The following NKAIN3 variants were observed in gnomAD, a reference collection of about 807,000 sequenced individuals.
NKAIN3 encodes sodium/potassium transporting ATPase interacting 3.
Under a neutral mutation model 30.2 loss-of-function variants are expected in NKAIN3, and 25 were observed. That is an observed-to-expected ratio of 0.83 (90% CI 0.60 to 1.16). The LOEUF (loss-of-function observed/expected upper bound fraction) is 1.16. Ranked by LOEUF, NKAIN3 falls within the 50% of genes most tolerant of loss-of-function variation. NKAIN3 has a pLI of 0.00. For missense variants in NKAIN3, 225 were observed against 254.1 expected (o/e 0.89, Z 0.78); for synonymous variants, 91 against 89.6 (o/e 1.02, Z -0.09).
intron 4 of NKAIN3, among the ~76,000 whole-genome samples, chr8:62,871,418 A>C (rs79176152): frequency 2.2e-4 from 31 of 142,432 alleles, no homozygotes; most frequent in Admixed American, 3.5e-4. Context: ...AAAAAAAAAA[A>C]CAAAAACAAA....
intron 1 of NKAIN3, among the ~76,000 whole-genome samples, chr8:62,417,670 G>A (rs1804491420): frequency 6.6e-6 from 1 of 152,144 alleles, no homozygotes; most frequent in African/African-American, 2.4e-5. Flanking sequence ...CATTTTAACT[G>A]GGGAGAGATG....
chr8:62,782,766 T>C (rs984099975), intron 4 of NKAIN3, among the ~76,000 whole-genome samples: 1 of 148,344 alleles, frequency 6.7e-6, no homozygotes, highest in Admixed American at 6.8e-5. Context: ...AATAGAATGA[T>C]ACATACGAGA....
At chr8:62,502,811 A>T (rs565349913) in intron 1 of NKAIN3, among the ~76,000 whole-genome samples, 1 of 152,310 alleles carries the variant, frequency 6.6e-6, no homozygotes, top group Non-Finnish European at 1.5e-5. Flanking sequence ...TTCGAAGTGC[A>T]ATTGGACTGT....
intron 1 of NKAIN3, among the ~76,000 whole-genome samples, chr8:62,272,447 G>GTC (rs1158656771): frequency 6.6e-6 from 1 of 152,152 alleles, no homozygotes; most frequent in Non-Finnish European, 1.5e-5. Context: ...GAAGCAGTGA[G>GTC]TCTCTCTCTG....
In NKAIN3 at chr8:62,639,638, A is replaced by G. The variant is rs541346551; in HGVS notation, c.273+49844A>G. ...TTGAGAAAAAGAAATTGACCTTGCA[A>G]AAGAGAGGGGAAATCATAAAATCAA... On this transcript the variant is annotated intron_variant, in intron 3 of 6. Coordinates refer to ENST00000623646, the MANE Select transcript of NKAIN3 (RefSeq NM_001304533.3). Among the ~76,000 whole-genome samples, 9 of 152,288 alleles carry G rather than the reference A, an allele frequency of 5.9e-5. No homozygotes were observed. The South Asian group carries it at 1.9e-3, about 32-fold the overall frequency.
At chr8:62,778,897 C>G (rs1437750635) in intron 4 of NKAIN3, among the ~76,000 whole-genome samples, 2 of 152,034 alleles carry the variant, frequency 1.3e-5, no homozygotes, top group Non-Finnish European at 2.9e-5. Context: ...CTGATTATTC[C>G]AGGCCCAAAG....
At chr8:62,702,301 AT>A (rs1380399862) in intron 3 of NKAIN3, among the ~76,000 whole-genome samples, 2 of 152,172 alleles carry the variant, frequency 1.3e-5, no homozygotes, top group Admixed American at 6.6e-5. Context: ...CTAAACCAAT[AT>A]TTTTTGTATC....
intron 4 of NKAIN3, among the ~76,000 whole-genome samples, chr8:62,802,906 A>G (rs1818121214): frequency 6.6e-6 from 1 of 152,188 alleles, no homozygotes; most frequent in South Asian, 2.1e-4. Flanking sequence ...CTCAAAATAA[A>G]AGTATGGAGG....
intron 1 of NKAIN3, among the ~76,000 whole-genome samples, chr8:62,453,080 T>C (rs551974457): frequency 5.9e-5 from 9 of 152,360 alleles, no homozygotes; most frequent in Non-Finnish European, 1.0e-4. Context: ...TTTGTTTTAC[T>C]TGTAGTCTTT....
intron 4 of NKAIN3, among the ~76,000 whole-genome samples, chr8:62,787,672 C>T (rs569553618): frequency 5.9e-5 from 9 of 152,278 alleles, no homozygotes; most frequent in Middle Eastern, 3.4e-3. Context: ...AATGCTATCC[C>T]TCCCCACTTC....
intron 6 of NKAIN3, 77 bp downstream of exon 6, chr8:62,954,049 G>A: frequency 3.2e-6 from 1 of 308,646 alleles, no homozygotes; most frequent in African/African-American, 2.2e-5. Context: ...GAAATAATTT[G>A]AACCTACTAC....
chr8:62,307,990 T>C (rs540501079), intron 1 of NKAIN3, among the ~76,000 whole-genome samples: 18 of 150,320 alleles, frequency 1.2e-4, no homozygotes, highest in African/African-American at 4.5e-4. Context: ...TTAGAGATGC[T>C]GTTTCCTCAA....
At chr8:62,319,087 TC>T (rs1417206054) in intron 1 of NKAIN3, among the ~76,000 whole-genome samples, 5 of 152,254 alleles carry the variant, frequency 3.3e-5, no homozygotes, top group Non-Finnish European at 7.3e-5. Context: ...AAGGAATTTA[TC>T]CATTTCTTCT....
intron 3 of NKAIN3, among the ~76,000 whole-genome samples, chr8:62,719,796 A>G (rs1313582747): frequency 7.8e-6 from 1 of 128,212 alleles, no homozygotes; most frequent in African/African-American, 3.1e-5. Flanking sequence ...TTGCTCTGAC[A>G]TCCAGGCTGG....
intron 1 of NKAIN3, among the ~76,000 whole-genome samples, chr8:62,325,728 A>C (rs1252659251): frequency 6.6e-6 from 1 of 151,916 alleles, no homozygotes; most frequent in Non-Finnish European, 1.5e-5. Context: ...TTTAATTTGC[A>C]TTTTGCATTT....
intron 5 of NKAIN3, among the ~76,000 whole-genome samples, chr8:62,952,718 T>C (rs1444518869): frequency 2.0e-5 from 3 of 152,196 alleles, no homozygotes; most frequent in African/African-American, 7.2e-5. Flanking sequence ...TCTTCATAAA[T>C]TGCAATAATT....
At chr8:62,264,289 T>G (rs887081111) in intron 1 of NKAIN3, among the ~76,000 whole-genome samples, 2 of 152,232 alleles carry the variant, frequency 1.3e-5, no homozygotes, top group African/African-American at 4.8e-5. Context: ...CTGGTGTTAT[T>G]GTCCCACTTT....
chr8:62,689,847 G>C (rs907522362), intron 3 of NKAIN3, among the ~76,000 whole-genome samples: 40 of 151,816 alleles, frequency 2.6e-4, no homozygotes, highest in African/African-American at 9.4e-4. Flanking sequence ...GTCTCAGTTG[G>C]ACCTGAACGA....
intron 1 of NKAIN3, among the ~76,000 whole-genome samples, chr8:62,257,043 T>A (rs1156863035): frequency 1.3e-5 from 2 of 152,154 alleles, no homozygotes; most frequent in African/African-American, 4.8e-5. Context: ...AAATGTGGAA[T>A]AAAAAAACAA....
Sources: allele counts gnomAD v4.1 joint callset (sites outside exome capture counted in the v4.1 genomes callset), GRCh38; gene constraint gnomAD v4.1.1; transcripts MANE v1.5; gene names NCBI Gene and HGNC (gene_info 2026-07-23, HGNC 2026-07-21).